The following SH3RF3 variants were observed in gnomAD, a reference collection of about 807,000 sequenced individuals.
The protein encoded by SH3RF3 is E3 ubiquitin-protein ligase SH3RF3.
In SH3RF3, 29 loss-of-function variants were observed where a neutral mutation model predicts 66.3. That is an observed-to-expected ratio of 0.44 (90% CI 0.33 to 0.60). The LOEUF is 0.60. SH3RF3 is among the 20% of genes least tolerant of loss of function. The pLI, the probability that SH3RF3 is intolerant of heterozygous loss-of-function variation, is 0.04. For synonymous variants in SH3RF3, 583 were observed against 532.0 expected (o/e 1.10, Z -1.32); for missense variants, 1,194 against 1,190.9 (o/e 1.00, Z -0.04).
At chr2:109,488,583 C>T (rs1679041878) in intron 8 of SH3RF3, among the ~76,000 whole-genome samples, 1 of 152,230 alleles carries the variant, frequency 6.6e-6, no homozygotes, top group Non-Finnish European at 1.5e-5. Context: ...TCCCAGGGTT[C>T]TGCCCCCGAC....
intron 2 of SH3RF3, among the ~76,000 whole-genome samples, chr2:109,350,679 C>G (rs1682818642): frequency 6.6e-6 from 1 of 152,192 alleles, no homozygotes; most frequent in South Asian, 2.1e-4. Context: ...TGGGTCCGAC[C>G]CACCTTACTT....
chr2:109,248,754 TTCTC>T (rs545409191), intron 1 of SH3RF3, among the ~76,000 whole-genome samples: 17 of 151,408 alleles, frequency 1.1e-4, no homozygotes, highest in East Asian at 1.9e-4. Flanking sequence ...CTTTCCTTCC[TTCTC>T]TCTCTCTCTC....
At chr2:109,404,266 C>T (rs1676390492) in intron 4 of SH3RF3, among the ~76,000 whole-genome samples, 1 of 152,224 alleles carries the variant, frequency 6.6e-6, no homozygotes, top group Non-Finnish European at 1.5e-5. Flanking sequence ...GGGCTTTAGG[C>T]TGAGGCTTTG....
At chr2:109,187,283 A>G (rs1678216606) in intron 1 of SH3RF3, among the ~76,000 whole-genome samples, 1 of 152,158 alleles carries the variant, frequency 6.6e-6, no homozygotes, top group Non-Finnish European at 1.5e-5. Flanking sequence ...CTTCGATCTG[A>G]TGTGACCTGT....
At chr2:109,246,472 C>T (rs972153152) in intron 1 of SH3RF3, among the ~76,000 whole-genome samples, 4 of 152,198 alleles carry the variant, frequency 2.6e-5, no homozygotes, top group African/African-American at 4.8e-5. Context: ...AATAGCATTA[C>T]CTTGGAGGTT....
intron 1 of SH3RF3, among the ~76,000 whole-genome samples, chr2:109,315,745 GC>G (rs1297579247): frequency 1.3e-5 from 2 of 152,194 alleles, no homozygotes; most frequent in Non-Finnish European, 2.9e-5. Context: ...ATTATGTCTG[GC>G]TATTGTGACA....
intron 4 of SH3RF3, among the ~76,000 whole-genome samples, chr2:109,417,928 C>G (rs1197182057): frequency 6.6e-6 from 1 of 152,130 alleles, no homozygotes; most frequent in Non-Finnish European, 1.5e-5. Context: ...CTTCTTGCTC[C>G]TAAGCTAAGA....
At chr2:109,318,510 C>T (rs763029547) in intron 1 of SH3RF3, among the ~76,000 whole-genome samples, 4 of 152,188 alleles carry the variant, frequency 2.6e-5, no homozygotes, top group Admixed American at 1.3e-4. Flanking sequence ...ATCATTTTGG[C>T]GACCGTGGGA....
In SH3RF3 at chr2:109,449,405, G is replaced by A. The variant is rs1677803702; in HGVS notation, c.2064G>A (p.Glu688=). Residue 688 remains glutamate (E), a synonymous_variant, in exon 8 of 10, where the codon GAG becomes GAA. Coordinates refer to ENST00000309415, the MANE Select transcript of SH3RF3 (RefSeq NM_001099289.3). ...TCAGTGCCGCAAACCTCAACGGGGA[G>A]GCTGGAGGGGGGCCCATCGGTGTTC... The part of the protein sequence containing the change: ...PNVSAANLNG[E]AGGGPIGVLS... The A allele has an allele frequency of 3.7e-6, 6 of 1,613,518 alleles. No homozygotes were observed. The highest frequency in any genetic ancestry group is 5.1e-6 in the Non-Finnish European group (6 of 1,179,684).
chr2:109,194,295 C>T (rs910515391), intron 1 of SH3RF3, among the ~76,000 whole-genome samples: 3 of 152,236 alleles, frequency 2.0e-5, no homozygotes, highest in Non-Finnish European at 4.4e-5. Flanking sequence ...GTGTTTCTTA[C>T]CTGCAGGGGA....
At chr2:109,495,626 TG>T (rs1679240987) in intron 9 of SH3RF3, among the ~76,000 whole-genome samples, 2 of 84,650 alleles carry the variant, frequency 2.4e-5, no homozygotes, top group East Asian at 7.8e-4. Context: ...TAGCTGGGAT[TG>T]ATTACAGGCG....
At chr2:109,334,917 C>T (rs951424323) in intron 1 of SH3RF3, among the ~76,000 whole-genome samples, 2 of 152,212 alleles carry the variant, frequency 1.3e-5, no homozygotes, top group Non-Finnish European at 2.9e-5. Flanking sequence ...GCTTTTTAGG[C>T]TGGCCTTCCT....
intron 1 of SH3RF3, among the ~76,000 whole-genome samples, chr2:109,144,737 T>C (rs1483281002): frequency 6.6e-6 from 1 of 152,228 alleles, no homozygotes; most frequent in East Asian, 1.9e-4. Context: ...TGGTGATGCA[T>C]GCCTGGCAGG....
At chr2:109,419,670 T>C (rs1408871027) in intron 5 of SH3RF3, 28 bp downstream of exon 5, 3 of 1,547,730 alleles carry the variant, frequency 1.9e-6, no homozygotes, top group South Asian at 1.2e-5. Context: ...TCTGTCGGGG[T>C]CCTGTGCCTG....
At chr2:109,176,784 G>A (rs932169620) in intron 1 of SH3RF3, among the ~76,000 whole-genome samples, 17 of 152,170 alleles carry the variant, frequency 1.1e-4, no homozygotes, top group African/African-American at 3.6e-4. Context: ...AGGCTGTTCC[G>A]CTGGCAGAAG....
intron 1 of SH3RF3, among the ~76,000 whole-genome samples, chr2:109,334,952 T>C (rs1458426615): frequency 1.3e-5 from 2 of 152,228 alleles, no homozygotes; most frequent in Admixed American, 1.3e-4. Flanking sequence ...TTTAACTCTT[T>C]GCGTGCCTTC....
intron 1 of SH3RF3, among the ~76,000 whole-genome samples, chr2:109,190,730 C>T (rs1056633497): frequency 6.6e-6 from 1 of 152,018 alleles, no homozygotes; most frequent in East Asian, 1.9e-4. Context: ...TTGGGTGTCT[C>T]CCTTCTTTTC....
intron 4 of SH3RF3, among the ~76,000 whole-genome samples, chr2:109,414,816 C>T (rs1360816826): frequency 6.6e-6 from 1 of 152,242 alleles, no homozygotes; most frequent in Non-Finnish European, 1.5e-5. Context: ...AGAAACTCGG[C>T]CCATGCTCCT....
intron 1 of SH3RF3, among the ~76,000 whole-genome samples, chr2:109,215,904 G>C (rs750681780): frequency 2.6e-5 from 4 of 152,228 alleles, no homozygotes; most frequent in Non-Finnish European, 5.9e-5. Context: ...GGTCCACACA[G>C]AGCTGCGAAT....
Sources: allele counts gnomAD v4.1 joint callset (sites outside exome capture counted in the v4.1 genomes callset), GRCh38; gene constraint gnomAD v4.1.1; transcripts MANE v1.5; gene names NCBI Gene and HGNC (gene_info 2026-07-23, HGNC 2026-07-21).